Variants in MICAL2 observed in about 807,000 individuals in gnomAD.
The protein encoded by MICAL2 is microtubule associated monooxygenase, calponin and LIM domain containing 2.
MICAL2 carries 77 observed loss-of-function variants against 127.3 expected under a neutral mutation model. That is an observed-to-expected ratio of 0.60 (90% CI 0.50 to 0.73). MICAL2 has a LOEUF of 0.73. MICAL2 is among the 30% of genes least tolerant of loss of function. MICAL2 has a pLI of 0.00. For missense variants in MICAL2, 1,351 were observed against 1,434.4 expected, an observed-to-expected ratio of 0.94 and a Z score of 0.94; for synonymous variants, 570 against 551.1, an observed-to-expected ratio of 1.03 and a Z score of -0.48.
At chr11:12,209,241 C>T (rs186261403) in intron 5 of MICAL2, among the ~76,000 whole-genome samples, 1 of 152,256 alleles carries the variant, frequency 6.6e-6, no homozygotes, top group East Asian at 1.9e-4. Context: ...AGGATAGACT[C>T]CTAGCGGAGG....
intron 3 of MICAL2, among the ~76,000 whole-genome samples, chr11:12,190,275 G>A (rs1387791119): frequency 6.6e-6 from 1 of 152,076 alleles, no homozygotes; most frequent in Non-Finnish European, 1.5e-5. Flanking sequence ...AAACACCCTG[G>A]GATTTGTCTC....
rs528599252 is a variant in MICAL2, at chr11:12,196,405, A to G, written c.265-7845A>G. On this transcript the variant is annotated intron_variant, in intron 3 of 27. Coordinates refer to ENST00000683283, the MANE Select transcript of MICAL2 (RefSeq NM_001282663.2). ...TGCACAGTTGGCTGGATTCCGTGGG[A>G]TATTCAGGGTTGAGCACCATCAACA... Among the ~76,000 whole-genome samples, 184 of 152,220 alleles carry G rather than the reference A, an allele frequency of 1.2e-3. 2 individuals carry two copies. Among genetic ancestry groups the G allele is most frequent in the Non-Finnish European group, 2.2e-3 (153 of 68,008 alleles).
intron 26 of MICAL2, chr11:12,262,174 G>A (rs1863210165): frequency 2.4e-6 from 3 of 1,265,160 alleles, no homozygotes; most frequent in African/African-American, 3.0e-5. Flanking sequence ...AATGCCTCTA[G>A]GCCTCCGCAA....
chr11:12,114,879 T>C (rs1388673135), intron 1 of MICAL2, among the ~76,000 whole-genome samples: 1 of 152,222 alleles, frequency 6.6e-6, no homozygotes, highest in Non-Finnish European at 1.5e-5. Context: ...CGTTTGTGCC[T>C]TGATCAGCAA....
chr11:12,237,784 T>G (rs946117803), intron 16 of MICAL2, among the ~76,000 whole-genome samples: 8 of 152,236 alleles, frequency 5.3e-5, no homozygotes, highest in Non-Finnish European at 8.8e-5. Flanking sequence ...TTGTTAGAAG[T>G]ACAGGCTTTC....
In MICAL2 at chr11:12,222,635, G is replaced by A. The variant is rs756344018; in HGVS notation, c.1341G>A (p.Leu447=). Residue 447 remains leucine (L), a synonymous_variant, in exon 11 of 28, where the codon CTG becomes CTA. Coordinates refer to ENST00000683283, the MANE Select transcript of MICAL2 (RefSeq NM_001282663.2). The part of the protein sequence containing the change: ...LLAERESLYR[L]LPQTTPENIN... Reference sequence around the variant, plus strand: ...CCTCCAGGGAAAGTCTCTACCGGCTGTTACCTCAGACAACCCCGGAGAACA... The same window carrying A: ...CCTCCAGGGAAAGTCTCTACCGGCTATTACCTCAGACAACCCCGGAGAACA... 1.2e-6 allele frequency: 2 copies of A among 1,614,232 alleles called. No individual in the cohort carries two copies. Among genetic ancestry groups the A allele is most frequent in the South Asian group, 1.1e-5 (1 of 91,088 alleles).
intron 3 of MICAL2, among the ~76,000 whole-genome samples, chr11:12,163,986 C>G (rs1412894525): frequency 6.6e-6 from 1 of 152,040 alleles, no homozygotes; most frequent in Non-Finnish European, 1.5e-5. Flanking sequence ...GCCCCATACA[C>G]CCAACATGTT....
In MICAL2 at chr11:12,242,500, C is replaced by T. The variant is rs1038925565; in HGVS notation, c.2556+68C>T. 3.7e-5 allele frequency: 57 copies of T among 1,526,074 alleles called. No homozygotes were observed. In the African/African-American group the frequency reaches 6.4e-4, roughly 17 times the overall value. 94.5% of individuals were successfully genotyped at this position (1,526,074 alleles called of 1,614,324 possible). A position where few individuals can be genotyped will look rare whatever the true frequency, so the allele number is the denominator to read the frequency against. ...GACTTCCTTTCTTCCCCTCCCTCCT[C>T]CTACCCGGGTGGGTTCCTCCTCCCT... On this transcript the variant is annotated intron_variant, in intron 19 of 27. Coordinates refer to ENST00000683283, the MANE Select transcript of MICAL2 (RefSeq NM_001282663.2).
At chr11:12,208,723 G>A (rs1855048897) in intron 5 of MICAL2, among the ~76,000 whole-genome samples, 2 of 152,170 alleles carry the variant, frequency 1.3e-5, no homozygotes, top group South Asian at 4.1e-4. Context: ...CACACACCAT[G>A]GTCAGAGAGT....
chr11:12,110,978 A>T lies in MICAL2; in HGVS notation c.-149+252A>T, dbSNP rs1009824784. 6.6e-6 allele frequency among the ~76,000 whole-genome samples: 1 copy of T among 152,130 alleles called. No individual in the cohort carries two copies. Among genetic ancestry groups the T allele is most frequent in the South Asian group, 2.1e-4 (1 of 4,828 alleles). ...ATAAAAGCCTCCCACCGGCACGCCG[A>T]ACTACCTCTTACTCCGCTCCGCAAC... On this transcript the variant is annotated intron_variant, in intron 1 of 27. Coordinates refer to ENST00000683283, the MANE Select transcript of MICAL2 (RefSeq NM_001282663.2). This position sits in a 1 kb window ranked among gnomAD's most constrained non-coding sequence, Gnocchi z 4.5.
chr11:12,295,819 A>G (rs976275841), downstream of MICAL2, among the ~76,000 whole-genome samples: 2 of 152,038 alleles, frequency 1.3e-5, no homozygotes, highest in African/African-American at 2.4e-5. Context: ...TTAATGAACT[A>G]TTGTCTTATT....
At chr11:12,243,831 G>T (rs995363126) in intron 20 of MICAL2, among the ~76,000 whole-genome samples, 156 bp from the exon 21 acceptor site, 1 of 152,202 alleles carries the variant, frequency 6.6e-6, no homozygotes, top group Admixed American at 6.5e-5. Context: ...AATCCTTTCT[G>T]GCTCCAAAGA....
At chr11:12,243,917 G>C in intron 20 of MICAL2, 70 bp from the exon 21 acceptor site, 1 of 1,572,606 alleles carries the variant, frequency 6.4e-7, no homozygotes, top group Non-Finnish European at 8.7e-7. Context: ...GGGACTGCAT[G>C]ATTGAGGCAT....
chr11:12,120,536 G>A (rs1191558527), intron 1 of MICAL2, among the ~76,000 whole-genome samples: 1 of 152,206 alleles, frequency 6.6e-6, no homozygotes. Context: ...ACAGAGTATG[G>A]AATGTCCACA....
intron 1 of MICAL2, among the ~76,000 whole-genome samples, chr11:12,280,449 C>G (rs1565291782): frequency 6.6e-6 from 1 of 152,218 alleles, no homozygotes; most frequent in Non-Finnish European, 1.5e-5. Flanking sequence ...AACGTATTTT[C>G]TCACTGATTT....
rs536210557 is a variant in MICAL2, at chr11:12,286,515, T to C, written c.255-572T>C. On this transcript the variant is annotated intron_variant, in intron 2 of 2. Transcript: ENST00000529028. ...TGTAGATGCTCACTGATGATCTTAGTAATGATGGTTCATAATTTGAGGCAT... is the reference window on the plus strand; with the variant it reads ...TGTAGATGCTCACTGATGATCTTAGCAATGATGGTTCATAATTTGAGGCAT... Among the ~76,000 whole-genome samples the C allele has an allele frequency of 7.5e-4, 115 of 152,336 alleles. 1 individual carries two copies. Among genetic ancestry groups the C allele is most frequent in the Non-Finnish European group, 1.3e-3 (91 of 68,026 alleles).
chr11:12,325,001 A>G (rs1864339109), intron 31 of MICAL2, among the ~76,000 whole-genome samples: 1 of 152,004 alleles, frequency 6.6e-6, no homozygotes, highest in Non-Finnish European at 1.5e-5. Context: ...TTTTCATCCC[A>G]GATGGTTGTG....
intron 3 of MICAL2, among the ~76,000 whole-genome samples, chr11:12,179,506 A>G (rs533492770): frequency 1.3e-5 from 2 of 152,036 alleles, no homozygotes; most frequent in East Asian, 3.9e-4. Flanking sequence ...TTCTCTTACC[A>G]TGTCATTCTC....
intron 1 of MICAL2, among the ~76,000 whole-genome samples, chr11:12,111,787 G>A (rs1256157783): frequency 6.6e-6 from 1 of 152,184 alleles, no homozygotes; most frequent in Non-Finnish European, 1.5e-5. Flanking sequence ...AGCCAGAGGC[G>A]AATTGGCCCT....
Sources: allele counts gnomAD v4.1 joint callset (sites outside exome capture counted in the v4.1 genomes callset), GRCh38; gene constraint gnomAD v4.1.1; non-coding constraint Gnocchi (gnomAD v3.1); transcripts MANE v1.5; gene names NCBI Gene and HGNC (gene_info 2026-07-23, HGNC 2026-07-21).